PTGS2: variants seen among roughly 807,000 people sequenced by gnomAD.
PTGS2 encodes prostaglandin-endoperoxide synthase 2, also known as prostaglandin G/H synthase 2.
A neutral mutation model predicts 63.8 loss-of-function variants in PTGS2; 14 were observed. The observed-to-expected ratio is 0.22, with a 90% CI of 0.14 to 0.34. The LOEUF is 0.34. Among genes scored for constraint, PTGS2 ranks in the 10% least tolerant of loss-of-function variants. The probability of loss-of-function intolerance (pLI) is 1.00; values close to 1 mark genes in which losing one functional copy is unlikely to be tolerated. For missense variants in PTGS2, 533 were observed against 738.5 expected, an observed-to-expected ratio of 0.72 and a Z score of 3.23; for synonymous variants, 271 against 259.5, an observed-to-expected ratio of 1.04 and a Z score of -0.43.
In PTGS2 at chr1:186,672,532, T is replaced by G. The variant is rs575211762; in HGVS notation, c.*1821A>C. 2 of 152,550 alleles carry G rather than the reference T, an allele frequency of 1.3e-5. No homozygotes were observed. The highest frequency in any genetic ancestry group is 4.1e-4 in the South Asian group (2 of 4,828). 9.4% of individuals were successfully genotyped at this position (152,550 alleles called of 1,614,324 possible). ...TGACATAACAAAAAAAAATCAATGATTGTAGGCTTAAACACAGTTTATAAC... is the reference window on the plus strand; with the variant it reads ...TGACATAACAAAAAAAAATCAATGAGTGTAGGCTTAAACACAGTTTATAAC... On this transcript the variant is annotated 3_prime_UTR_variant, in exon 10 of 10. Transcript: ENST00000367468.
chr1:186,677,359 T>TAA (rs1665799893), intron 5 of PTGS2, among the ~76,000 whole-genome samples: 1 of 152,174 alleles, frequency 6.6e-6, no homozygotes, highest in Non-Finnish European at 1.5e-5. Flanking sequence ...TTTGCAGTAC[T>TAA]AACATTTTAA....
chr1:186,674,423 C>A lies in PTGS2; in HGVS notation c.1745G>T (p.Ser582Ile), dbSNP rs1370652272. The change falls in exon 10 of 10, where the codon AGT becomes ATT. Residue 582 changes from serine (S) to isoleucine (I), a missense_variant. Transcript: ENST00000367468. Reference sequence around the variant, plus strand: ...ATCATCTAGTCCGGAGCGGGAAGAACTTGCATTGATGGTGACTGTTTTAAT... The same window carrying A: ...ATCATCTAGTCCGGAGCGGGAAGAAATTGCATTGATGGTGACTGTTTTAAT... Reference protein sequence around the residue: ...ELIKTVTINASSSRSGLDDIN... With the variant: ...ELIKTVTINAISSRSGLDDIN... The A allele has an allele frequency of 1.2e-6, 2 of 1,613,940 alleles. No individual in the cohort carries two copies. Among genetic ancestry groups the A allele is most frequent in the African/African-American group, 2.7e-5 (2 of 74,884 alleles).
chr1:186,678,252 C>T lies in PTGS2; in HGVS notation c.457+9G>A, dbSNP rs4648266. The T allele has an allele frequency of 4.9e-4, 787 of 1,596,452 alleles. 8 individuals are homozygous for T. The African/African-American group carries it at 9.2e-3, about 19-fold the overall frequency. On this transcript the variant is annotated intron_variant, in intron 4 of 9. Coordinates refer to ENST00000367468, the MANE Select transcript of PTGS2 (RefSeq NM_000963.4). ...GTTAATACATCTCTAATGGATTCTT[C>T]TTACTCACCTTTGACACCCAAGGGA...
At chr1:186,674,842 T>G (rs1168744543) in intron 9 of PTGS2, 80 bp from the exon 10 acceptor site, 3 of 1,455,390 alleles carry the variant, frequency 2.1e-6, no homozygotes, top group Non-Finnish European at 2.8e-6. Context: ...TTTGCTCAAT[T>G]TGCTGCCAAC....
At position 186,680,322 on chromosome 1, in the gene PTGS2, A is replaced by T; in HGVS notation, c.-32T>A. Reference sequence around the variant, plus strand: ...GGCGGGCAGGGCGCGGCGCGGGGGTAGGCTTTGCTGTCTGAGGGCGTCTGG... The same window carrying T: ...GGCGGGCAGGGCGCGGCGCGGGGGTTGGCTTTGCTGTCTGAGGGCGTCTGG... On this transcript the variant is annotated 5_prime_UTR_variant, in exon 1 of 10. Transcript: ENST00000367468. The T allele has an allele frequency of 6.6e-7, 1 of 1,518,066 alleles. No homozygotes were observed. The highest frequency in any genetic ancestry group is 2.5e-5 in the East Asian group (1 of 40,434). The allele number at this position is 1,518,066 out of a possible 1,614,324, so 94.0% of individuals were successfully genotyped here.
At chr1:186,675,038 C>G (rs1448134112) in intron 9 of PTGS2, among the ~76,000 whole-genome samples, 1 of 152,090 alleles carries the variant, frequency 6.6e-6, no homozygotes, top group Non-Finnish European at 1.5e-5. Context: ...ATTATCCATG[C>G]GTGCGACGTG....
chr1:186,674,297 ATAAT>A lies in PTGS2; in HGVS notation c.*52_*55del. 3 of 1,094,260 alleles carry A rather than the reference ATAAT, an allele frequency of 2.7e-6. No homozygotes were observed. The highest frequency in any genetic ancestry group is 3.6e-6 in the Non-Finnish European group (3 of 833,360). 67.8% of individuals were successfully genotyped at this position (1,094,260 alleles called of 1,614,324 possible). A position where few individuals can be genotyped will look rare whatever the true frequency, so the allele number is the denominator to read the frequency against. On this transcript the variant is annotated 3_prime_UTR_variant, in exon 10 of 10. Coordinates refer to ENST00000367468, the MANE Select transcript of PTGS2 (RefSeq NM_000963.4). Reference sequence around the variant, plus strand: ...AGGAGTTTAATATAAATATTATTAAATAATTAAATTAATAGACATGGTTCATATA... The same window carrying A: ...AGGAGTTTAATATAAATATTATTAAATAAATTAATAGACATGGTTCATATA...
chr1:186,675,139 T>C (rs561341660), intron 9 of PTGS2, 110 bp downstream of exon 9: 3 of 1,409,438 alleles, frequency 2.1e-6, no homozygotes, highest in Non-Finnish European at 2.9e-6. Context: ...ATGGCGCCAC[T>C]GCACTCCAGC....
At position 186,678,252 on chromosome 1, in the gene PTGS2, C is replaced by G; in HGVS notation, c.457+9G>C. 1 of 1,596,454 alleles carries G rather than the reference C, an allele frequency of 6.3e-7. No individual in the cohort carries two copies. On this transcript the variant is annotated intron_variant, in intron 4 of 9. Coordinates refer to ENST00000367468, the MANE Select transcript of PTGS2 (RefSeq NM_000963.4). ...GTTAATACATCTCTAATGGATTCTTCTTACTCACCTTTGACACCCAAGGGA... is the reference window on the plus strand; with the variant it reads ...GTTAATACATCTCTAATGGATTCTTGTTACTCACCTTTGACACCCAAGGGA...
intron 9 of PTGS2, 109 bp from the exon 10 acceptor site, chr1:186,674,871 C>A (rs530562252): frequency 5.4e-6 from 7 of 1,307,936 alleles, no homozygotes; most frequent in Non-Finnish European, 7.3e-6. Context: ...TTCCATTTGA[C>A]CCCTGATTCT....
At chr1:186,676,417 C>G in intron 7 of PTGS2, 50 bp downstream of exon 7, 1 of 1,591,410 alleles carries the variant, frequency 6.3e-7, no homozygotes, top group Non-Finnish European at 8.6e-7. Flanking sequence ...AGATAGCACA[C>G]TAATTTTCCC....
chr1:186,680,285 G>T lies in PTGS2; in HGVS notation c.6C>A (p.Leu2=). 1 of 1,543,246 alleles carries T rather than the reference G, an allele frequency of 6.5e-7. No homozygotes were observed. Among genetic ancestry groups the T allele is most frequent in the Non-Finnish European group, 8.7e-7 (1 of 1,143,278 alleles). M[L]ARALLLCAVL... is the part of the protein sequence containing the mutation. ...CCGCGCACAGCAGCAGGGCGCGGGC[G>T]AGCATCGCAGCGGCGGGCAGGGCGC... Residue 2 remains leucine (L), a synonymous_variant, in exon 1 of 10, where the codon CTC becomes CTA. Coordinates refer to ENST00000367468, the MANE Select transcript of PTGS2 (RefSeq NM_000963.4).
chr1:186,680,372 T>C lies in PTGS2; in HGVS notation c.-82A>G. 9.2e-7 allele frequency: 1 copy of C among 1,082,562 alleles called. No individual in the cohort carries two copies. The highest frequency in any genetic ancestry group is 1.3e-6 in the Non-Finnish European group (1 of 764,706). The allele number at this position is 1,082,562 out of a possible 1,614,324, so 67.1% of individuals were successfully genotyped here. A position where few individuals can be genotyped will look rare whatever the true frequency, so the allele number is the denominator to read the frequency against. On this transcript the variant is annotated 5_prime_UTR_variant, in exon 1 of 10. Coordinates refer to ENST00000367468, the MANE Select transcript of PTGS2 (RefSeq NM_000963.4). ...GCTGTGGAGCTGAAGGAGGCGCTGC[T>C]GAGGAGTTCCTGGACGTGCTCCTGA...
In PTGS2 at chr1:186,676,815, T is replaced by C. The variant is rs780066718; in HGVS notation, c.723+18A>G. 2 of 1,608,004 alleles carry C rather than the reference T, an allele frequency of 1.2e-6. No individual in the cohort carries two copies. The highest frequency in any genetic ancestry group is 1.3e-5 in the African/African-American group (1 of 74,770). On this transcript the variant is annotated intron_variant, in intron 6 of 9. Transcript: ENST00000367468. ...ATAAGCGGTAATAACTAAGTCTTAA[T>C]AGTCAAAGGAAGCATACCTGATATT...
intron 4 of PTGS2, 77 bp downstream of exon 4, chr1:186,678,184 A>G (rs1665814659): frequency 1.4e-6 from 2 of 1,402,452 alleles, no homozygotes; most frequent in South Asian, 1.6e-5. Flanking sequence ...ATGGTAGTCT[A>G]AGGTCAATTT....
chr1:186,679,179 T>A lies in PTGS2; in HGVS notation c.192A>T (p.Lys64Asn). 1.2e-6 allele frequency: 2 copies of A among 1,613,416 alleles called. No homozygotes were observed. Among genetic ancestry groups the A allele is most frequent in the Non-Finnish European group, 1.7e-6 (2 of 1,179,814 alleles). ...CSTPEFLTRI[K>N]LFLKPTPNTV... ...TGTTTGGAGTGGGTTTCAGAAATAA[T>A]TTTATTCTTGTCAAAAATTCCGCTG... Residue 64 changes from lysine (K) to asparagine (N), a missense_variant, in exon 3 of 10, where the codon AAA (lysine) becomes AAT (asparagine). Physicochemically the swap from Lys to Asn is moderately conservative, Grantham distance 94 (BLOSUM62 0). Transcript: ENST00000367468.
chr1:186,677,336 G>GT (rs1665798562), intron 5 of PTGS2, among the ~76,000 whole-genome samples: 2 of 152,218 alleles, frequency 1.3e-5, no homozygotes, highest in East Asian at 3.9e-4. Context: ...ATGTGTTTTT[G>GT]AGGACATAAC....
rs779300029 is a variant in PTGS2, at chr1:186,676,645, T to G, written c.792A>C (p.Gln264His). The change falls in exon 7 of 10, where the codon CAA becomes CAC. Residue 264 changes from glutamine to histidine, a missense_variant. By Grantham distance (24) the Gln-to-His change is conservative. Transcript: ENST00000367468. ...DTQAEMIYPP[Q>H]VPEHLRFAVG... ...CAGCAAACCGTAGATGCTCAGGGAC[T>G]TGAGGAGGGTAGATCATCTCTGCCT... The G allele has an allele frequency of 4.3e-6, 7 of 1,614,018 alleles. No homozygotes were observed. The East Asian group carries it at 1.1e-4, about 26-fold the overall frequency.
chr1:186,679,430 A>T lies in PTGS2; in HGVS notation c.61T>A (p.Cys21Ser). The T allele has an allele frequency of 6.2e-7, 1 of 1,612,982 alleles. No individual in the cohort carries two copies. The highest frequency in any genetic ancestry group is 8.5e-7 in the Non-Finnish European group (1 of 1,178,978). The change falls in exon 2 of 10, where the codon TGC becomes AGC. Residue 21 changes from cysteine to serine, a missense_variant. Physicochemically the swap from Cys to Ser is moderately radical, Grantham distance 112 (BLOSUM62 -1). Coordinates refer to ENST00000367468, the MANE Select transcript of PTGS2 (RefSeq NM_000963.4). ...CGGTTTTGACATGGGTGGGAACAGCAAGGATTTGCTGCAATTAAAGGACAG... is the reference window on the plus strand; with the variant it reads ...CGGTTTTGACATGGGTGGGAACAGCTAGGATTTGCTGCAATTAAAGGACAG... ...VLALSHTANP[C>S]CSHPCQNRGV...
Sources: gnomAD v4.1 joint callset for allele counts (sites outside exome capture counted in the v4.1 genomes callset) on GRCh38, gnomAD v4.1.1 for gene constraint, MANE v1.5 for transcripts, NCBI Gene and HGNC (gene_info 2026-07-23, HGNC 2026-07-21) for gene names.